Variants in KIAA0319 observed in about 807,000 individuals in gnomAD.
KIAA0319 encodes KIAA0319, also known as dyslexia-associated protein KIAA0319.
Under a neutral mutation model 108.4 loss-of-function variants are expected in KIAA0319, and 83 were observed. The observed-to-expected ratio is 0.77, with a 90% confidence interval of 0.64 to 0.92. KIAA0319 has a LOEUF of 0.92. Among genes scored for constraint, KIAA0319 ranks in the 40% least tolerant of loss-of-function variants. KIAA0319 has a pLI of 0.00. For synonymous variants in KIAA0319, 484 were observed against 510.4 expected (o/e 0.95, Z 0.70); for missense variants, 1,195 against 1,322.4 (o/e 0.90, Z 1.49).
intron 10 of KIAA0319, among the ~76,000 whole-genome samples, chr6:24,574,908 G>T (rs868242602): frequency 6.6e-6 from 1 of 152,198 alleles, no homozygotes; most frequent in South Asian, 2.1e-4. Flanking sequence ...AAATTGATCT[G>T]GTACGAGAAT....
chr6:24,578,290 G>T, intron 8 of KIAA0319, 48 bp from the exon 9 acceptor site: 1 of 1,422,738 alleles, frequency 7.0e-7, no homozygotes, highest in African/African-American at 1.4e-5. Context: ...AGAAGAGGAA[G>T]ACATAAGTTT....
chr6:24,595,718 A>T (rs1345355806), intron 3 of KIAA0319, among the ~76,000 whole-genome samples, 155 bp downstream of exon 3: 1 of 152,066 alleles, frequency 6.6e-6, no homozygotes, highest in Admixed American at 6.5e-5. Flanking sequence ...AGAGACAGTC[A>T]TCTTTCTTGC....
chr6:24,561,266 T>C (rs1286038200), intron 16 of KIAA0319, among the ~76,000 whole-genome samples: 1 of 152,238 alleles, frequency 6.6e-6, no homozygotes, highest in Non-Finnish European at 1.5e-5. Flanking sequence ...CTGAATGAGT[T>C]GGGAAATGTT....
intron 1 of KIAA0319, among the ~76,000 whole-genome samples, chr6:24,611,008 G>A (rs1320744250): frequency 6.6e-6 from 1 of 152,116 alleles, no homozygotes; most frequent in Non-Finnish European, 1.5e-5. Flanking sequence ...TATGCTAAGT[G>A]AAAGAAGCCA....
chr6:24,607,762 A>G (rs1248395325), intron 1 of KIAA0319, among the ~76,000 whole-genome samples: 1 of 152,218 alleles, frequency 6.6e-6, no homozygotes, highest in Non-Finnish European at 1.5e-5. Flanking sequence ...TTTCTCATCT[A>G]CTAATAGTAA....
In KIAA0319 at chr6:24,544,988, T is replaced by G. The variant is rs1760454990; in HGVS notation, c.*2177A>C. 1 of 152,192 alleles carries G rather than the reference T, an allele frequency of 6.6e-6. No homozygotes were observed. The highest frequency in any genetic ancestry group is 6.5e-5 in the Admixed American group (1 of 15,272). The allele number at this position is 152,192 out of a possible 1,614,324, so 9.4% of individuals were successfully genotyped here. A position where few individuals can be genotyped will look rare whatever the true frequency, so the allele number is the denominator to read the frequency against. On this transcript the variant is annotated 3_prime_UTR_variant, in exon 21 of 21. Transcript: ENST00000378214. ...GGGCAGAAGAAGTCCACTGTAAACC[T>G]AGAGGGAGGGGTGGCCCGGGTGTGA...
chr6:24,634,539 A>G (rs373969089), intron 1 of KIAA0319, among the ~76,000 whole-genome samples: 1 of 152,224 alleles, frequency 6.6e-6, no homozygotes, highest in South Asian at 2.1e-4. Flanking sequence ...AGCAAACAGT[A>G]AATATCAGCT....
chr6:24,564,331 C>G lies in KIAA0319; in HGVS notation c.2302G>C (p.Asp768His), dbSNP rs1423905880. Residue 768 changes from aspartate to histidine, a missense_variant, in exon 15 of 21, where the codon GAT becomes CAT. Physicochemically the swap from Asp to His is moderately conservative, Grantham distance 81. Transcript: ENST00000378214. ...GQSPAAGDVI[D>H]GSDHSVALQL... is the part of the protein sequence containing the mutation. ...AGAGCCACACTGTGGTCAGAGCCAT[C>G]GATGACATCCTGCGAAAGAACACGG... The G allele has an allele frequency of 6.2e-7, 1 of 1,614,014 alleles. No homozygotes were observed. The highest frequency in any genetic ancestry group is 1.7e-5 in the Admixed American group (1 of 59,994).
chr6:24,565,023 G>A (rs183637904), intron 14 of KIAA0319, among the ~76,000 whole-genome samples: 12 of 152,178 alleles, frequency 7.9e-5, no homozygotes, highest in Non-Finnish European at 1.3e-4. Flanking sequence ...AAAGGCAGGC[G>A]GATCACGAGG....
Position 24,551,354 on chromosome 6 carries a change from C to G in KIAA0319, c.3040+80G>C, listed in dbSNP as rs539884946. 9.6e-6 allele frequency: 9 copies of G among 934,578 alleles called. No homozygotes were observed. The East Asian group carries it at 1.9e-4, about 20-fold the overall frequency. 57.9% of individuals were successfully genotyped at this position (934,578 alleles called of 1,614,324 possible). ...TGCTGACTCCAGCAAATCGTTCTCC[C>G]TCTATCCAAGTTAGCCCTCAGGCCT... On this transcript the variant is annotated intron_variant, in intron 20 of 20. Transcript: ENST00000378214.
At position 24,564,538 on chromosome 6, in the gene KIAA0319, G is replaced by A. The variant is rs547802887; in HGVS notation, c.2293-198C>T. On this transcript the variant is annotated intron_variant, in intron 14 of 20. Coordinates refer to ENST00000378214, the MANE Select transcript of KIAA0319 (RefSeq NM_014809.4). Reference sequence around the variant, plus strand: ...ATCTCTTCCCCAAAAAGCACCAGGGGGCACATCCTCAGACAGTATTTCCTG... The same window carrying A: ...ATCTCTTCCCCAAAAAGCACCAGGGAGCACATCCTCAGACAGTATTTCCTG... 3.3e-5 allele frequency among the ~76,000 whole-genome samples: 5 copies of A among 152,264 alleles called. No individual in the cohort carries two copies. In the South Asian group the frequency reaches 8.3e-4, roughly 25 times the overall value.
rs1582154872 is a variant in KIAA0319, at chr6:24,599,284, A to T, written c.55+1765T>A. 3 of 485,506 alleles carry T rather than the reference A, an allele frequency of 6.2e-6. 1 individual carries two copies. Among genetic ancestry groups the T allele is most frequent in the South Asian group, 5.9e-5 (3 of 50,980 alleles). The allele number at this position is 485,506 out of a possible 1,614,324, so 30.1% of individuals were successfully genotyped here. Reference sequence around the variant, plus strand: ...ACAAAGATGGAGATCTCTGAGATGAATCAGAACATCAGCCGGCTCCAGACT... The same window carrying T: ...ACAAAGATGGAGATCTCTGAGATGATTCAGAACATCAGCCGGCTCCAGACT... On this transcript the variant is annotated intron_variant, in intron 2 of 20. Transcript: ENST00000378214. The surrounding 1 kb of genome is among the most constrained non-coding windows in gnomAD (Gnocchi z 4.1).
intron 3 of KIAA0319, among the ~76,000 whole-genome samples, chr6:24,589,555 C>G (rs1039936467): frequency 3.3e-5 from 5 of 152,018 alleles, no homozygotes; most frequent in South Asian, 2.1e-4. Flanking sequence ...AGTGAGTTCT[C>G]ACGAGATCTG....
intron 1 of KIAA0319, among the ~76,000 whole-genome samples, chr6:24,641,052 T>G (rs1390488838): frequency 6.6e-6 from 1 of 152,220 alleles, no homozygotes; most frequent in Non-Finnish European, 1.5e-5. Context: ...TTGTACCCAT[T>G]AAACAATAAC....
At chr6:24,645,460 C>G (rs1345357603) in intron 1 of KIAA0319, among the ~76,000 whole-genome samples, 3 of 152,130 alleles carry the variant, frequency 2.0e-5, no homozygotes, top group African/African-American at 7.2e-5. Context: ...ATAAATAGTT[C>G]TGAATGAAGT....
chr6:24,558,801 G>A (rs807540), intron 17 of KIAA0319, among the ~76,000 whole-genome samples: 134,772 of 152,222 alleles, frequency 0.89, 60,600 homozygotes, highest in African/African-American at 0.93. Flanking sequence ...TTAACTTTAG[G>A]CCCATAATTA....
At chr6:24,577,413 G>T (rs1765706454) in intron 9 of KIAA0319, among the ~76,000 whole-genome samples, 1 of 152,208 alleles carries the variant, frequency 6.6e-6, no homozygotes, top group South Asian at 2.1e-4. Context: ...ACTTTCAAAT[G>T]CGAACCAATG....
intron 16 of KIAA0319, among the ~76,000 whole-genome samples, chr6:24,561,536 T>C (rs987022547): frequency 6.6e-6 from 1 of 152,160 alleles, no homozygotes; most frequent in Non-Finnish European, 1.5e-5. Context: ...CATAATATTC[T>C]CTTATAATCC....
At chr6:24,598,701 C>A (rs1770129433) in intron 2 of KIAA0319, 1 of 262,192 alleles carries the variant, frequency 3.8e-6, no homozygotes, top group Non-Finnish European at 7.6e-6. Flanking sequence ...CATGGTGAAA[C>A]CCTGTCTCTA....
Sources: gnomAD v4.1 joint callset for allele counts (sites outside exome capture counted in the v4.1 genomes callset) on GRCh38, gnomAD v4.1.1 for gene constraint, Gnocchi (gnomAD v3.1) non-coding constraint, MANE v1.5 for transcripts, NCBI Gene and HGNC (gene_info 2026-07-23, HGNC 2026-07-21) for gene names.